ZNF704: variants seen among roughly 807,000 people sequenced by gnomAD.
ZNF704 encodes the protein glucocorticoid induced gene 1.
ZNF704 carries 10 observed loss-of-function variants against 44.7 expected under a neutral mutation model. The ratio of observed to expected loss-of-function variants is 0.22; its 90% confidence interval spans 0.14 to 0.38. The LOEUF is 0.38. Among genes scored for constraint, ZNF704 ranks in the 10% least tolerant of loss-of-function variants. The pLI is 1.00. For synonymous variants in ZNF704, 211 were observed against 207.6 expected (o/e 1.02, Z -0.14); for missense variants, 390 against 545.5 (o/e 0.71, Z 2.84).
intron 4 of ZNF704, among the ~76,000 whole-genome samples, chr8:80,675,484 T>C (rs76970388): frequency 6.7e-6 from 1 of 150,262 alleles, no homozygotes; most frequent in African/African-American, 2.5e-5. Context: ...TTTTTTTTTT[T>C]AATATTACTC....
intron 2 of ZNF704, among the ~76,000 whole-genome samples, chr8:80,787,437 G>A (rs1385532346): frequency 6.6e-6 from 1 of 152,170 alleles, no homozygotes; most frequent in Non-Finnish European, 1.5e-5. Flanking sequence ...AGAGTTAGGA[G>A]ATCAAAGCGC....
At chr8:80,643,214 C>T (rs537943858) in intron 7 of ZNF704, 85 bp from the exon 8 acceptor site, 1 of 963,094 alleles carries the variant, frequency 1.0e-6, no homozygotes, top group East Asian at 2.9e-5. Flanking sequence ...GACACTGATC[C>T]TTGACCATTA....
chr8:80,759,140 T>A (rs1399009832), intron 2 of ZNF704, among the ~76,000 whole-genome samples: 1 of 152,028 alleles, frequency 6.6e-6, no homozygotes, highest in Non-Finnish European at 1.5e-5. Context: ...ATGCAAGGAG[T>A]AGAAACATGA....
chr8:80,824,051 A>G (rs1808326219), intron 1 of ZNF704, among the ~76,000 whole-genome samples: 1 of 152,238 alleles, frequency 6.6e-6, no homozygotes, highest in Non-Finnish European at 1.5e-5. Context: ...CTCGCCAGCA[A>G]CAGAACAAAG....
intron 2 of ZNF704, among the ~76,000 whole-genome samples, chr8:80,808,772 A>G (rs1463767751): frequency 6.6e-6 from 1 of 152,206 alleles, no homozygotes; most frequent in Non-Finnish European, 1.5e-5. Flanking sequence ...AATTGAGGTG[A>G]TATTTTGAAA....
At chr8:80,766,083 C>T (rs1807222451) in intron 2 of ZNF704, among the ~76,000 whole-genome samples, 1 of 152,088 alleles carries the variant, frequency 6.6e-6, no homozygotes, top group Admixed American at 6.6e-5. Context: ...ATACTCTTTC[C>T]TTCTAGAATA....
intron 2 of ZNF704, among the ~76,000 whole-genome samples, chr8:80,744,663 G>A (rs1437090726): frequency 6.6e-6 from 1 of 152,102 alleles, no homozygotes; most frequent in Non-Finnish European, 1.5e-5. Flanking sequence ...GCACAAATAC[G>A]CTTTTATTTA....
the ZNF704 span, among the ~76,000 whole-genome samples, chr8:80,882,930 C>G: frequency 1.3e-5 from 2 of 151,840 alleles, no homozygotes; most frequent in Non-Finnish European, 2.9e-5. Flanking sequence ...ATCCTTCATC[C>G]TAATAGAAAT....
intron 7 of ZNF704, among the ~76,000 whole-genome samples, chr8:80,657,614 AGGGAGGTTGAGGCTGCAGTGAGCC>A: frequency 6.6e-6 from 1 of 151,544 alleles, no homozygotes; most frequent in Non-Finnish European, 1.5e-5. Flanking sequence ...AGATGAGCCC[AGGGAGGTTGAGGCTGCAGTGAGCC>A]GTGATGGCAC....
chr8:80,700,925 T>A (rs1042879071), intron 2 of ZNF704, among the ~76,000 whole-genome samples: 3 of 152,006 alleles, frequency 2.0e-5, no homozygotes, highest in Non-Finnish European at 4.4e-5. Context: ...CATCTGCTCC[T>A]CCATCTCCCA....
At chr8:80,761,490 C>CATAAT (rs1807130048) in intron 2 of ZNF704, among the ~76,000 whole-genome samples, 1 of 152,052 alleles carries the variant, frequency 6.6e-6, no homozygotes, top group Non-Finnish European at 1.5e-5. Context: ...ACACTGAAAT[C>CATAAT]CCCAAAAATC....
At chr8:80,664,784 GT>G in intron 6 of ZNF704, 30 bp downstream of exon 6, 1 of 1,612,142 alleles carries the variant, frequency 6.2e-7, no homozygotes, top group African/African-American at 1.3e-5. Flanking sequence ...CAAGGTCAAA[GT>G]GATTGCTCTC....
intron 4 of ZNF704, among the ~76,000 whole-genome samples, chr8:80,685,956 C>A (rs1818527996): frequency 6.6e-6 from 1 of 152,170 alleles, no homozygotes; most frequent in African/African-American, 2.4e-5. Flanking sequence ...CATAATGAAG[C>A]TACCAATACA....
intron 2 of ZNF704, among the ~76,000 whole-genome samples, chr8:80,738,309 T>G (rs1806698632): frequency 6.6e-6 from 1 of 152,226 alleles, no homozygotes; most frequent in Non-Finnish European, 1.5e-5. Context: ...TTCAGGGATA[T>G]AGATACTCCT....
chr8:80,723,449 G>A (rs1258881487), intron 2 of ZNF704, among the ~76,000 whole-genome samples: 1 of 151,310 alleles, frequency 6.6e-6, no homozygotes, highest in African/African-American at 2.4e-5. Context: ...TATGTGATTG[G>A]TAAAAAAACA....
At chr8:80,732,006 G>T (rs1178597239) in intron 2 of ZNF704, among the ~76,000 whole-genome samples, 2 of 152,170 alleles carry the variant, frequency 1.3e-5, no homozygotes, top group Non-Finnish European at 2.9e-5. Context: ...TCTTCAAACA[G>T]AGGCTAAAAA....
chr8:80,883,014 G>A, the ZNF704 span, among the ~76,000 whole-genome samples: 2 of 137,670 alleles, frequency 1.5e-5, no homozygotes, highest in East Asian at 2.1e-4. Context: ...GAGGCATGTT[G>A]ATCACCTGAA....
chr8:80,634,984 C>A lies in ZNF704; in HGVS notation c.*6382G>T, dbSNP rs150751917. The A allele has an allele frequency of 3.9e-5, 6 of 152,290 alleles. No individual in the cohort carries two copies. Among genetic ancestry groups the A allele is most frequent in the African/African-American group, 1.4e-4 (6 of 41,564 alleles). 9.4% of individuals were successfully genotyped at this position (152,290 alleles called of 1,614,324 possible). A position where few individuals can be genotyped will look rare whatever the true frequency, so the allele number is the denominator to read the frequency against. ...GTACATGGCTTTCCCTAACTCTGTGCATTTCTAGTCCTCAAGTGTGCAGAT... is the reference window on the plus strand; with the variant it reads ...GTACATGGCTTTCCCTAACTCTGTGAATTTCTAGTCCTCAAGTGTGCAGAT... On this transcript the variant is annotated 3_prime_UTR_variant, in exon 9 of 9. Coordinates refer to ENST00000327835, the MANE Select transcript of ZNF704 (RefSeq NM_001033723.3).
intron 4 of ZNF704, among the ~76,000 whole-genome samples, chr8:80,677,839 A>C (rs1161872572): frequency 6.6e-6 from 1 of 152,188 alleles, no homozygotes; most frequent in Non-Finnish European, 1.5e-5. Context: ...ACTTTGTAAA[A>C]TTTACTTAGT....
Sources: allele counts gnomAD v4.1 joint callset (sites outside exome capture counted in the v4.1 genomes callset), GRCh38; gene constraint gnomAD v4.1.1; transcripts MANE v1.5; gene names NCBI Gene and HGNC (gene_info 2026-07-23, HGNC 2026-07-21).